CDH13: variants seen among roughly 807,000 people sequenced by gnomAD.
CDH13 encodes cadherin-13.
Under a neutral mutation model 63.8 loss-of-function variants are expected in CDH13, and 24 were observed. That is an observed-to-expected ratio of 0.38 (90% CI 0.27 to 0.53). The LOEUF (loss-of-function observed/expected upper bound fraction) is 0.53, where lower values mean the gene tolerates loss of function less well. Among genes scored for constraint, CDH13 ranks in the 20% least tolerant of loss-of-function variants. CDH13 has a pLI of 0.85. For missense variants in CDH13, 1,049 were observed against 903.1 expected (o/e 1.16, Z -2.07); for synonymous variants, 503 against 355.3 (o/e 1.42, Z -4.67).
intron 7 of CDH13, among the ~76,000 whole-genome samples, chr16:83,575,983 G>A (rs555159821): frequency 8.5e-5 from 13 of 152,240 alleles, no homozygotes; most frequent in East Asian, 1.9e-4. Context: ...ATTCAGTGGC[G>A]TTTAGTACGT....
chr16:83,624,255 C>G (rs1156974542), intron 8 of CDH13, among the ~76,000 whole-genome samples: 1 of 152,238 alleles, frequency 6.6e-6, no homozygotes, highest in East Asian at 1.9e-4. Context: ...CCAAATGCTA[C>G]TCTCATAGAA....
chr16:83,634,793 T>C (rs1911109272), intron 8 of CDH13, among the ~76,000 whole-genome samples: 1 of 152,198 alleles, frequency 6.6e-6, no homozygotes, highest in Non-Finnish European at 1.5e-5. Context: ...TGCTGAGTGA[T>C]ATTCCATGGT....
chr16:82,908,589 C>T (rs1455259894), intron 2 of CDH13, among the ~76,000 whole-genome samples: 2 of 152,084 alleles, frequency 1.3e-5, no homozygotes, highest in African/African-American at 4.8e-5. Context: ...ACAGATATTC[C>T]CTTTTCCTCC....
chr16:83,487,729 G>C (rs1371619798), intron 7 of CDH13, among the ~76,000 whole-genome samples: 1 of 152,160 alleles, frequency 6.6e-6, no homozygotes, highest in African/African-American at 2.4e-5. Context: ...CCTTCTGTAA[G>C]AACCATCAGC....
intron 10 of CDH13, among the ~76,000 whole-genome samples, chr16:83,713,772 A>T (rs938037739): frequency 6.6e-6 from 1 of 152,172 alleles, no homozygotes; most frequent in Non-Finnish European, 1.5e-5. Flanking sequence ...AAGAGCAGAC[A>T]CCAGCCAATC....
chr16:83,590,446 C>T (rs527237793), intron 7 of CDH13, among the ~76,000 whole-genome samples: 10 of 152,116 alleles, frequency 6.6e-5, no homozygotes, highest in South Asian at 2.1e-4. Context: ...ATGATCCCTC[C>T]GGGAAGAACG....
rs146500978 is a variant in CDH13 at position 83,787,070 on chromosome 16, C to G, written c.2134+3598C>G. Among the ~76,000 whole-genome samples the G allele has an allele frequency of 2.7e-3, 411 of 152,356 alleles. 2 individuals are homozygous for G. Among genetic ancestry groups the G allele is most frequent in the Middle Eastern group, 0.014 (4 of 294 alleles). On this transcript the variant is annotated intron_variant, in intron 13 of 13. Transcript: ENST00000567109. ...CTACACACAAACTGACACATACACTCACTCACACACATTCACACATGACAC... is the reference window on the plus strand; with the variant it reads ...CTACACACAAACTGACACATACACTGACTCACACACATTCACACATGACAC...
intron 8 of CDH13, among the ~76,000 whole-genome samples, chr16:83,624,877 C>A (rs757037682): frequency 1.1e-4 from 17 of 152,176 alleles, no homozygotes; most frequent in Non-Finnish European, 1.5e-4. Context: ...CAAACAGAAC[C>A]AGTTCCCTTG....
intron 7 of CDH13, among the ~76,000 whole-genome samples, chr16:83,537,570 G>A (rs2075218090): frequency 6.6e-6 from 1 of 152,082 alleles, no homozygotes; most frequent in Admixed American, 6.6e-5. Flanking sequence ...TCTAAAGAAG[G>A]TTTCATTACT....
chr16:82,769,683 T>A (rs2035188294), intron 1 of CDH13, among the ~76,000 whole-genome samples: 1 of 152,208 alleles, frequency 6.6e-6, no homozygotes, highest in South Asian at 2.1e-4. Flanking sequence ...ATGCCCTAGA[T>A]TTTACTTTAT....
chr16:82,811,833 A>G (rs1412387314), intron 1 of CDH13, among the ~76,000 whole-genome samples: 3 of 152,178 alleles, frequency 2.0e-5, no homozygotes, highest in Non-Finnish European at 2.9e-5. Context: ...GTTATGGCTT[A>G]CACCACTCAA....
intron 2 of CDH13, among the ~76,000 whole-genome samples, chr16:82,943,064 C>G (rs1904317180): frequency 6.6e-6 from 1 of 152,136 alleles, no homozygotes; most frequent in African/African-American, 2.4e-5. Context: ...CAATATGTGT[C>G]CAAAAAATCT....
chr16:83,614,514 A>G (rs754060908), intron 8 of CDH13, among the ~76,000 whole-genome samples: 5 of 152,212 alleles, frequency 3.3e-5, no homozygotes, highest in Admixed American at 6.5e-5. Flanking sequence ...CTTCAAGGGT[A>G]AAAGTTCTAT....
chr16:83,050,691 T>A (rs1404624658), intron 3 of CDH13, among the ~76,000 whole-genome samples: 1 of 152,104 alleles, frequency 6.6e-6, no homozygotes, highest in Non-Finnish European at 1.5e-5. Context: ...GTCCATCGTG[T>A]CTACAGCGCA....
chr16:82,927,099 A>T (rs34737338), intron 2 of CDH13, among the ~76,000 whole-genome samples: 1 of 152,110 alleles, frequency 6.6e-6, no homozygotes, highest in African/African-American at 2.4e-5. Flanking sequence ...GCTGTTGGCC[A>T]CAGTATCCAC....
intron 7 of CDH13, among the ~76,000 whole-genome samples, chr16:83,488,261 C>G (rs1030024288): frequency 6.6e-6 from 1 of 152,198 alleles, no homozygotes; most frequent in East Asian, 1.9e-4. Flanking sequence ...CAACAATGGC[C>G]TAGACTGTAT....
Position 83,551,052 on chromosome 16 carries a change from A to ATT in CDH13, c.961-51400_961-51399dup, listed in dbSNP as rs869098905. 1.0e-3 allele frequency among the ~76,000 whole-genome samples: 26 copies of ATT among 25,412 alleles called. No individual in the cohort carries two copies. The Admixed American group carries it at 0.012, about 12-fold the overall frequency. 16.7% of individuals were successfully genotyped at this position (25,412 alleles called of 152,430 possible). On this transcript the variant is annotated intron_variant, in intron 7 of 13. Transcript: ENST00000567109. ...CTCTGTTCCATGGCCCCCTTAAGTCATTTATATCTATCTATCTATCTATCT... is the reference window on the plus strand; with the variant it reads ...CTCTGTTCCATGGCCCCCTTAAGTCATTTTTATATCTATCTATCTATCTATCT...
chr16:83,111,741 G>C (rs1389059432), intron 3 of CDH13, among the ~76,000 whole-genome samples: 1 of 152,178 alleles, frequency 6.6e-6, no homozygotes, highest in Non-Finnish European at 1.5e-5. Flanking sequence ...CATATCAATA[G>C]ATCGTCATAA....
intron 3 of CDH13, among the ~76,000 whole-genome samples, chr16:83,057,815 C>T (rs2031102799): frequency 6.6e-6 from 1 of 152,136 alleles, no homozygotes; most frequent in Non-Finnish European, 1.5e-5. Context: ...CCAGAGTGTG[C>T]TTCCAGCACA....
Sources: allele counts gnomAD v4.1 joint callset (sites outside exome capture counted in the v4.1 genomes callset), GRCh38; gene constraint gnomAD v4.1.1; transcripts MANE v1.5; gene names NCBI Gene and HGNC (gene_info 2026-07-23, HGNC 2026-07-21).